The following SGCZ variants were observed in gnomAD, a reference collection of about 807,000 sequenced individuals.
The protein encoded by SGCZ is sarcoglycan zeta.
Under a neutral mutation model 41.3 loss-of-function variants are expected in SGCZ, and 40 were observed. That is an observed-to-expected ratio of 0.97 (90% confidence interval 0.75 to 1.26). SGCZ has a LOEUF of 1.26. Among genes scored for constraint, SGCZ ranks in the 50% most tolerant of loss-of-function variants. The pLI is 0.00. For synonymous variants in SGCZ, 206 were observed against 137.5 expected (o/e 1.50, Z -3.49); for missense variants, 552 against 369.8 (o/e 1.49, Z -4.04).
At chr8:15,232,859 C>CA (rs1176430738) in intron 1 of SGCZ, among the ~76,000 whole-genome samples, 1 of 150,342 alleles carries the variant, frequency 6.7e-6, no homozygotes, top group African/African-American at 2.4e-5. Flanking sequence ...TGTCTCAGCA[C>CA]AAAAAATGAG....
intron 1 of SGCZ, among the ~76,000 whole-genome samples, chr8:14,825,432 A>C (rs190423599): frequency 8.1e-4 from 123 of 152,268 alleles, no homozygotes; most frequent in Middle Eastern, 3.4e-3. Flanking sequence ...TCGTTTCATC[A>C]TTTTTAGACA....
At chr8:14,383,653 G>A (rs117696154) in intron 2 of SGCZ, among the ~76,000 whole-genome samples, 1 of 152,228 alleles carries the variant, frequency 6.6e-6, no homozygotes, top group Non-Finnish European at 1.5e-5. Flanking sequence ...ATTTTGAGAA[G>A]TGACAAAAAA....
intron 1 of SGCZ, among the ~76,000 whole-genome samples, chr8:14,805,725 C>G (rs561517899): frequency 6.6e-6 from 1 of 151,964 alleles, no homozygotes; most frequent in Non-Finnish European, 1.5e-5. Context: ...CTGTACCAAG[C>G]GGACGTAATA....
intron 2 of SGCZ, among the ~76,000 whole-genome samples, chr8:14,382,504 T>A (rs1413017750): frequency 6.6e-6 from 1 of 152,006 alleles, no homozygotes; most frequent in African/African-American, 2.4e-5. Flanking sequence ...TGATTATATA[T>A]GAGTCAGCAA....
intron 2 of SGCZ, among the ~76,000 whole-genome samples, chr8:14,404,201 T>C (rs1212395282): frequency 6.6e-6 from 1 of 152,234 alleles, no homozygotes; most frequent in African/African-American, 2.4e-5. Context: ...TGTATCTATA[T>C]ACATTTGTCA....
chr8:14,297,298 C>G (rs1801046604), intron 3 of SGCZ, among the ~76,000 whole-genome samples: 1 of 151,600 alleles, frequency 6.6e-6, no homozygotes, highest in African/African-American at 2.4e-5. Context: ...AAATACAGAT[C>G]TTAAAATTGT....
chr8:15,161,265 T>C (rs1317525458), intron 1 of SGCZ, among the ~76,000 whole-genome samples: 1 of 152,116 alleles, frequency 6.6e-6, no homozygotes, highest in Admixed American at 6.6e-5. Flanking sequence ...ACTCCCTTGT[T>C]TACCTCCCCT....
At chr8:14,657,608 C>T (rs1477103716) in intron 1 of SGCZ, among the ~76,000 whole-genome samples, 1 of 151,870 alleles carries the variant, frequency 6.6e-6, no homozygotes, top group African/African-American at 2.4e-5. Context: ...TTAACAGCTG[C>T]CAATTAATAT....
intron 1 of SGCZ, among the ~76,000 whole-genome samples, chr8:14,651,617 CACA>C (rs1165739512): frequency 6.6e-6 from 1 of 152,024 alleles, no homozygotes; most frequent in African/African-American, 2.4e-5. Context: ...AATAAATTAA[CACA>C]ACTTTTTGAA....
At chr8:14,357,737 T>A (rs1803348385) in intron 2 of SGCZ, among the ~76,000 whole-genome samples, 1 of 152,154 alleles carries the variant, frequency 6.6e-6, no homozygotes, top group African/African-American at 2.4e-5. Flanking sequence ...ATGGGTAACA[T>A]TATGATCTCT....
rs116347970 is a variant in SGCZ, at chr8:14,374,068, A to C, written c.235-49864T>G. Among the ~76,000 whole-genome samples the C allele has an allele frequency of 7.3e-3, 1,118 of 152,338 alleles. 20 individuals carry two copies. The highest frequency in any genetic ancestry group is 0.026 in the African/African-American group (1,075 of 41,570). On this transcript the variant is annotated intron_variant, in intron 2 of 7. Coordinates refer to ENST00000382080, the MANE Select transcript of SGCZ (RefSeq NM_139167.4). ...AGAAGATGGAGACTTGCTAGTTTAAAGTTCTCAAGTAAGGTAAGAAACACA... is the reference window on the plus strand; with the variant it reads ...AGAAGATGGAGACTTGCTAGTTTAACGTTCTCAAGTAAGGTAAGAAACACA...
intron 1 of SGCZ, among the ~76,000 whole-genome samples, chr8:14,663,826 T>G (rs1037099713): frequency 6.6e-6 from 1 of 152,158 alleles, no homozygotes; most frequent in Non-Finnish European, 1.5e-5. Context: ...ATGTTCTCCT[T>G]TAATCTAGTC....
chr8:15,182,159 G>A (rs1800198473), intron 1 of SGCZ, among the ~76,000 whole-genome samples: 1 of 152,110 alleles, frequency 6.6e-6, no homozygotes, highest in African/African-American at 2.4e-5. Context: ...AACTAAATAT[G>A]TGTACCTGAT....
At chr8:14,128,623 C>T (rs1471829450) in intron 5 of SGCZ, among the ~76,000 whole-genome samples, 1 of 152,064 alleles carries the variant, frequency 6.6e-6, no homozygotes, top group Admixed American at 6.6e-5. Context: ...GCACTATTCA[C>T]AATATCAAAA....
chr8:14,731,068 A>G (rs1810222763), intron 1 of SGCZ, among the ~76,000 whole-genome samples: 1 of 151,858 alleles, frequency 6.6e-6, no homozygotes, highest in Admixed American at 6.6e-5. Flanking sequence ...TAATTCTACC[A>G]TAAACACACA....
chr8:14,427,663 C>G (rs1319779028), intron 2 of SGCZ, among the ~76,000 whole-genome samples: 2 of 152,142 alleles, frequency 1.3e-5, no homozygotes, highest in Non-Finnish European at 2.9e-5. Flanking sequence ...GTAATTGCTT[C>G]CAGCAGCTAG....
Position 14,494,516 on chromosome 8 carries a change from T to C in SGCZ, c.234+60216A>G, listed in dbSNP as rs142602772. On this transcript the variant is annotated intron_variant, in intron 2 of 7. Transcript: ENST00000382080. ...TGATAAAGCTGAATACATACACACA[T>C]GCACACACACAAACACGCACACCAC... 8.9e-3 allele frequency among the ~76,000 whole-genome samples: 1,360 copies of C among 152,092 alleles called. 21 individuals are homozygous for C. The highest frequency in any genetic ancestry group is 0.031 in the African/African-American group (1,292 of 41,514).
intron 2 of SGCZ, among the ~76,000 whole-genome samples, chr8:14,463,523 A>G (rs1220084064): frequency 6.6e-6 from 1 of 151,668 alleles, no homozygotes; most frequent in Non-Finnish European, 1.5e-5. Context: ...TATGAAATCT[A>G]AAACTATAAA....
At chr8:14,911,000 C>T (rs939841021) in intron 1 of SGCZ, among the ~76,000 whole-genome samples, 2 of 151,970 alleles carry the variant, frequency 1.3e-5, no homozygotes, top group African/African-American at 4.8e-5. Context: ...CATTTTTTCA[C>T]GAATAATACA....
Sources: gnomAD v4.1 joint callset for allele counts (sites outside exome capture counted in the v4.1 genomes callset) on GRCh38, gnomAD v4.1.1 for gene constraint, MANE v1.5 for transcripts, NCBI Gene and HGNC (gene_info 2026-07-23, HGNC 2026-07-21) for gene names.